Variants in MROH2B observed in about 807,000 individuals in gnomAD.
MROH2B encodes maestro heat-like repeat-containing protein family member 2B.
MROH2B carries 177 observed loss-of-function variants against 208.6 expected under a neutral mutation model. The ratio of observed to expected loss-of-function variants is 0.85; its 90% CI spans 0.75 to 0.96. MROH2B has a LOEUF of 0.96. Among genes scored for constraint, MROH2B ranks in the 40% least tolerant of loss-of-function variants. The pLI, the probability that MROH2B is intolerant of heterozygous loss-of-function variation, is 0.00. For synonymous variants in MROH2B, 728 were observed against 659.0 expected (o/e 1.10, Z -1.60); for missense variants, 2,002 against 1,878.7 (o/e 1.07, Z -1.21).
intron 12 of MROH2B, among the ~76,000 whole-genome samples, chr5:41,051,293 G>T (rs1360959413): frequency 1.3e-5 from 2 of 152,112 alleles, no homozygotes; most frequent in African/African-American, 4.8e-5. Flanking sequence ...AAAACACAAC[G>T]CTTGCTAAAA....
intron 21 of MROH2B, among the ~76,000 whole-genome samples, chr5:41,034,575 A>G (rs1223051449): frequency 1.3e-5 from 2 of 152,134 alleles, no homozygotes; most frequent in African/African-American, 2.4e-5. Context: ...GGAAGTTCCA[A>G]CTTTCACAAC....
At chr5:41,070,712 T>C (rs1356153493) in intron 1 of MROH2B, 113 bp downstream of exon 1, 4 of 994,248 alleles carry the variant, frequency 4.0e-6, no homozygotes, top group Admixed American at 2.2e-5. Flanking sequence ...TCCTTTGAGG[T>C]GTACAGTCCT....
chr5:41,048,169 G>A (rs1282754516), intron 16 of MROH2B, 155 bp downstream of exon 16: 2 of 807,656 alleles, frequency 2.5e-6, no homozygotes, highest in Non-Finnish European at 1.8e-6. Context: ...AGAACATAAG[G>A]AGTTAAGAAG....
intron 32 of MROH2B, 134 bp downstream of exon 32, chr5:41,009,146 T>C (rs1741688723): frequency 1.6e-6 from 2 of 1,262,848 alleles, no homozygotes; most frequent in African/African-American, 1.5e-5. Context: ...GCCACAACTA[T>C]AAACTGGAGT....
At chr5:41,038,367 G>C (rs1157837771) in intron 21 of MROH2B, among the ~76,000 whole-genome samples, 1 of 152,156 alleles carries the variant, frequency 6.6e-6, no homozygotes, top group Admixed American at 6.5e-5. Flanking sequence ...CTGCATCACA[G>C]CAGTGGTAGG....
chr5:41,067,162 A>G lies in MROH2B; in HGVS notation c.147T>C (p.Asp49=), dbSNP rs1416617676. 4 of 1,556,226 alleles carry G rather than the reference A, an allele frequency of 2.6e-6. No homozygotes were observed. Among genetic ancestry groups the G allele is most frequent in the East Asian group, 2.4e-5 (1 of 42,042 alleles). The change falls in exon 3 of 42, where the codon GAT becomes GAC. Residue 49 remains aspartate, a synonymous_variant. Transcript: ENST00000399564. ...AATAAATCAATCGTTGGACAATTGCATCATCCAAGATGTCAGTATTCTGAA... is the reference window on the plus strand; with the variant it reads ...AATAAATCAATCGTTGGACAATTGCGTCATCCAAGATGTCAGTATTCTGAA... ...SVIQNTDILD[D]AIVQRLIYYA... is the part of the protein sequence containing the mutation.
intron 24 of MROH2B, among the ~76,000 whole-genome samples, chr5:41,026,634 G>C (rs1324944812): frequency 6.6e-6 from 1 of 152,172 alleles, no homozygotes; most frequent in Non-Finnish European, 1.5e-5. Context: ...TAGATTCAAT[G>C]CCATCCCTGT....
intron 24 of MROH2B, among the ~76,000 whole-genome samples, chr5:41,020,298 A>T (rs544232798): frequency 6.0e-4 from 92 of 152,152 alleles, no homozygotes; most frequent in Non-Finnish European, 1.3e-3. Context: ...TTTAAATGAC[A>T]TATGTGACTT....
intron 34 of MROH2B, 105 bp from the exon 35 acceptor site, chr5:41,005,750 G>T: frequency 2.1e-6 from 2 of 972,832 alleles, no homozygotes; most frequent in Non-Finnish European, 3.1e-6. Context: ...GGAATGCTTG[G>T]CTGGGGGTGG....
chr5:41,060,435 C>T (rs1251071744), intron 6 of MROH2B, among the ~76,000 whole-genome samples: 1 of 152,130 alleles, frequency 6.6e-6, no homozygotes. Flanking sequence ...GTGACTAAGG[C>T]CATCTTTCTG....
chr5:41,027,380 A>C (rs1422218272), intron 24 of MROH2B, among the ~76,000 whole-genome samples: 2 of 152,260 alleles, frequency 1.3e-5, no homozygotes, highest in Admixed American at 1.3e-4. Flanking sequence ...TGGGCAAAGG[A>C]TATGAACAGA....
rs1378092318 is a variant in MROH2B at position 41,000,221 on chromosome 5, A to G, written c.4481T>C (p.Leu1494Pro). 4 of 1,613,670 alleles carry G rather than the reference A, an allele frequency of 2.5e-6. 1 individual carries two copies. In the South Asian group the frequency reaches 4.4e-5, roughly 18 times the overall value. Reference protein sequence around the residue: ...RDFYRQFCVKLAKKNQEILWI... With the variant: ...RDFYRQFCVKPAKKNQEILWI... ...AGGCGGCATCTATTGGACACTCACC[A>G]GTTTCACACAGAATTGCCTGTAGAA... The change falls in exon 39 of 42, where the codon CTG becomes CCG. Residue 1494 changes from leucine to proline, a missense_variant and splice_region_variant. By Grantham distance (98) the Leu-to-Pro change is moderately conservative. Transcript: ENST00000399564.
intron 1 of MROH2B, among the ~76,000 whole-genome samples, chr5:41,070,236 G>A (rs2150185509): frequency 6.6e-6 from 1 of 152,068 alleles, no homozygotes; most frequent in Admixed American, 6.6e-5. Context: ...TCCCTCTTTT[G>A]GTCACATGCT....
At chr5:41,057,384 T>G in intron 7 of MROH2B, 24 bp from the exon 8 acceptor site, 1,423 of 1,518,104 alleles carry the variant, frequency 9.4e-4, no homozygotes, top group Non-Finnish European at 1.2e-3. Context: ...TCCCACAGGT[T>G]AGTTGGAGGC....
chr5:41,032,793 G>C lies in MROH2B; in HGVS notation c.2390C>G (p.Ser797Cys). 7 of 1,612,552 alleles carry C rather than the reference G, an allele frequency of 4.3e-6. No homozygotes were observed. Among genetic ancestry groups the C allele is most frequent in the Non-Finnish European group, 5.9e-6 (7 of 1,179,152 alleles). The change falls in exon 24 of 42, where the codon TCC (serine) becomes TGC (cysteine). Residue 797 changes from serine to cysteine, a missense_variant. Coordinates refer to ENST00000399564, the MANE Select transcript of MROH2B (RefSeq NM_173489.5). ...LDFIRDEPLD[S>C]LASPIRWKAL... is the part of the protein sequence containing the mutation. ...TTTCCACCGAATAGGGCTAGCTAAG[G>C]AATCCAGGGGCTCGTCTCTAATGAA... is the stretch of plus-strand genomic sequence containing the variant.
intron 26 of MROH2B, 33 bp from the exon 27 acceptor site, chr5:41,018,463 G>C (rs758901433): frequency 1.4e-5 from 22 of 1,590,564 alleles, no homozygotes; most frequent in South Asian, 2.3e-5. Flanking sequence ...TCTTTCCTTA[G>C]TATTCTTCAT....
chr5:41,066,757 G>C (rs780475053), intron 3 of MROH2B, among the ~76,000 whole-genome samples: 1 of 151,966 alleles, frequency 6.6e-6, no homozygotes, highest in Non-Finnish European at 1.5e-5. Context: ...TAAGATAGTA[G>C]GTACATAAAG....
In MROH2B at chr5:41,005,595, A is replaced by C; in HGVS notation, c.3800T>G (p.Leu1267Arg). ...HGVILDIMEQ[L>R]LSSLTSSSEN... ...CGAGGAGGAGGTAAGAGATGAGAGC[A>C]GCTGTTCCATGATGTCCAGTATGAC... The change falls in exon 35 of 42, where the codon CTG (leucine) becomes CGG (arginine). Residue 1267 changes from leucine to arginine, a missense_variant. Leu to Arg is a moderately radical substitution (Grantham distance 102). Transcript: ENST00000399564. 1.2e-6 allele frequency: 2 copies of C among 1,612,232 alleles called. No homozygotes were observed. Among genetic ancestry groups the C allele is most frequent in the Non-Finnish European group, 1.7e-6 (2 of 1,179,234 alleles).
At chr5:41,024,756 T>C (rs1477150750) in intron 24 of MROH2B, among the ~76,000 whole-genome samples, 2 of 152,300 alleles carry the variant, frequency 1.3e-5, no homozygotes, top group Non-Finnish European at 1.5e-5. Context: ...CACGTCACAC[T>C]TATTCCAAAA....
Sources: allele counts gnomAD v4.1 joint callset (sites outside exome capture counted in the v4.1 genomes callset), GRCh38; gene constraint gnomAD v4.1.1; transcripts MANE v1.5; gene names NCBI Gene and HGNC (gene_info 2026-07-23, HGNC 2026-07-21).